The following PTGES variants were observed in gnomAD, a reference collection of about 807,000 sequenced individuals.
The protein encoded by PTGES is prostaglandin E synthase, also known as MGST1-like 1.
A neutral mutation model predicts 11.8 loss-of-function variants in PTGES; 3 were observed. The ratio of observed to expected loss-of-function variants is 0.25; its 90% CI spans 0.12 to 0.66. The LOEUF is 0.66. Ranked by LOEUF, PTGES falls within the 30% of genes least tolerant of loss-of-function variation. PTGES has a pLI of 0.82. For missense variants in PTGES, 180 were observed against 213.0 expected (o/e 0.85, Z 0.96); for synonymous variants, 94 against 90.4 (o/e 1.04, Z -0.22).
In PTGES at chr9:129,752,944, C is replaced by T. The variant is rs1339753940; in HGVS notation, c.69G>A (p.Leu23=). Residue 23 remains leucine (L), a synonymous_variant, in exon 1 of 3, where the codon CTG becomes CTA. Coordinates refer to ENST00000340607, the MANE Select transcript of PTGES (RefSeq NM_004878.5). ...LPAFLLCSTL[L]VIKMYVVAII... is the part of the protein sequence containing the mutation. ...TGGCCACCACGTACATCTTGATGAC[C>T]AGCAGCGTGCTGCAGAGCAGGAAGG... The T allele has an allele frequency of 3.1e-6, 5 of 1,613,146 alleles. No homozygotes were observed. In the African/African-American group the frequency reaches 4.0e-5, roughly 13 times the overall value.
At chr9:129,746,905 T>G (rs1833052534) in intron 2 of PTGES, among the ~76,000 whole-genome samples, 1 of 152,190 alleles carries the variant, frequency 6.6e-6, no homozygotes, top group Admixed American at 6.6e-5. Flanking sequence ...ACGAAGCCAG[T>G]TTTTTAAGGA....
rs201461122 is a variant in PTGES, at chr9:129,739,565, G to A, written c.*46C>T. On this transcript the variant is annotated 3_prime_UTR_variant, in exon 3 of 3. Coordinates refer to ENST00000340607, the MANE Select transcript of PTGES (RefSeq NM_004878.5). This position sits in a 1 kb window ranked among gnomAD's most constrained non-coding sequence, Gnocchi z 5.7. ...TCAAGTCCCCAGGTATAGCCACGGCGGCTCTTGGCCCATGGTCTGGTGGCC... is the reference window on the plus strand; with the variant it reads ...TCAAGTCCCCAGGTATAGCCACGGCAGCTCTTGGCCCATGGTCTGGTGGCC... 3.8e-5 allele frequency: 59 copies of A among 1,532,560 alleles called. No individual in the cohort carries two copies. The African/African-American group carries it at 6.6e-4, about 17-fold the overall frequency. 94.9% of individuals were successfully genotyped at this position (1,532,560 alleles called of 1,614,324 possible).
chr9:129,742,353 TAAAAC>T (rs1412757654), intron 2 of PTGES, among the ~76,000 whole-genome samples: 4 of 128,332 alleles, frequency 3.1e-5, no homozygotes, highest in Admixed American at 7.8e-5. Context: ...AAAAAAAACA[TAAAAC>T]AAAACAAAAA....
intron 2 of PTGES, among the ~76,000 whole-genome samples, chr9:129,748,417 T>C (rs1016073587): frequency 6.6e-6 from 1 of 152,198 alleles, no homozygotes; most frequent in East Asian, 1.9e-4. Context: ...GGAGGGAGAC[T>C]GAATGTTCAC....
intron 2 of PTGES, among the ~76,000 whole-genome samples, chr9:129,741,803 G>C (rs776346504): frequency 1.3e-5 from 2 of 152,178 alleles, no homozygotes; most frequent in African/African-American, 2.4e-5. Context: ...TACTCGGGAG[G>C]CTGAGGCAGG....
At chr9:129,740,665 A>C (rs1338413496) in intron 2 of PTGES, among the ~76,000 whole-genome samples, 1 of 152,204 alleles carries the variant, frequency 6.6e-6, no homozygotes, top group African/African-American at 2.4e-5. Context: ...ACCAAGAAAG[A>C]AAACTCAGAA....
chr9:129,740,467 C>T (rs1832984828), intron 2 of PTGES, among the ~76,000 whole-genome samples: 1 of 152,190 alleles, frequency 6.6e-6, no homozygotes, highest in Non-Finnish European at 1.5e-5. Flanking sequence ...TAACTACCAC[C>T]TGTCCTTTCA....
chr9:129,743,621 C>T (rs1046255176), intron 2 of PTGES, among the ~76,000 whole-genome samples: 3 of 152,212 alleles, frequency 2.0e-5, no homozygotes, highest in Non-Finnish European at 1.5e-5. Context: ...CTCCTCTTCT[C>T]TCCCCCAGCC....
chr9:129,742,883 A>T (rs76020446), intron 2 of PTGES, among the ~76,000 whole-genome samples: 1 of 152,122 alleles, frequency 6.6e-6, no homozygotes, highest in Non-Finnish European at 1.5e-5. Flanking sequence ...AAAAAAAAAA[A>T]AGAGTAAGTC....
At chr9:129,752,009 G>A (rs1833116249) in intron 1 of PTGES, among the ~76,000 whole-genome samples, 1 of 152,202 alleles carries the variant, frequency 6.6e-6, no homozygotes, top group Non-Finnish European at 1.5e-5. Flanking sequence ...CTATCACTTG[G>A]GCAGCTGCCC....
At chr9:129,752,360 G>C (rs1390422523) in intron 1 of PTGES, among the ~76,000 whole-genome samples, 1 of 152,214 alleles carries the variant, frequency 6.6e-6, no homozygotes, top group African/African-American at 2.4e-5. Flanking sequence ...TTTTGGTTCA[G>C]GGGCTCGGAT....
intron 2 of PTGES, among the ~76,000 whole-genome samples, chr9:129,743,583 G>A (rs1308091167): frequency 1.3e-5 from 2 of 152,198 alleles, no homozygotes; most frequent in Admixed American, 6.5e-5. Flanking sequence ...GGCCAGGACA[G>A]GGACAGCTGC....
chr9:129,743,012 C>T lies in PTGES; in HGVS notation c.210-3152G>A, dbSNP rs1012553922. Among the ~76,000 whole-genome samples the T allele has an allele frequency of 2.6e-5, 4 of 152,192 alleles. No homozygotes were observed. The South Asian group carries it at 8.3e-4, about 31-fold the overall frequency. Reference sequence around the variant, plus strand: ...CACAGGGTGGGAAGGAGGAACAAGACGGGAAGTTCATGGCAGACGTGGATC... The same window carrying T: ...CACAGGGTGGGAAGGAGGAACAAGATGGGAAGTTCATGGCAGACGTGGATC... On this transcript the variant is annotated intron_variant, in intron 2 of 2. Coordinates refer to ENST00000340607, the MANE Select transcript of PTGES (RefSeq NM_004878.5).
In PTGES at chr9:129,745,956, C is replaced by A. The variant is rs988810516; in HGVS notation, c.209+2699G>T. 6.6e-6 allele frequency among the ~76,000 whole-genome samples: 1 copy of A among 151,870 alleles called. No individual in the cohort carries two copies. Among genetic ancestry groups the A allele is most frequent in the African/African-American group, 2.4e-5 (1 of 41,328 alleles). On this transcript the variant is annotated intron_variant, in intron 2 of 2. Transcript: ENST00000340607. The surrounding 1 kb of genome is among the most constrained non-coding windows in gnomAD (Gnocchi z 4.2). Reference sequence around the variant, plus strand: ...GGCTGAGGCAGGGGAATTGCTCGAACCCGGGAGGCAGAGGTTGCAGAGAGC... The same window carrying A: ...GGCTGAGGCAGGGGAATTGCTCGAAACCGGGAGGCAGAGGTTGCAGAGAGC...
intron 2 of PTGES, among the ~76,000 whole-genome samples, chr9:129,747,059 C>G (rs924563154): frequency 6.6e-6 from 1 of 152,170 alleles, no homozygotes; most frequent in Non-Finnish European, 1.5e-5. Context: ...ACTACGGGCC[C>G]GTGCCACCAT....
At chr9:129,751,662 G>GAA (rs148894936) in intron 1 of PTGES, among the ~76,000 whole-genome samples, 2 of 147,196 alleles carry the variant, frequency 1.4e-5, no homozygotes, top group Non-Finnish European at 3.0e-5. Flanking sequence ...CTGGACAGCA[G>GAA]AAAAAAAAAA....
chr9:129,751,278 G>C (rs1169239564), intron 1 of PTGES, among the ~76,000 whole-genome samples: 1 of 150,030 alleles, frequency 6.7e-6, no homozygotes, highest in Non-Finnish European at 1.5e-5. Flanking sequence ...AGCTATGATC[G>C]CACAATTGCA....
At chr9:129,743,909 C>A (rs190477141) in intron 2 of PTGES, among the ~76,000 whole-genome samples, 1 of 152,084 alleles carries the variant, frequency 6.6e-6, no homozygotes, top group African/African-American at 2.4e-5. Flanking sequence ...AGTGCAGTGG[C>A]GTGATCTCGG....
chr9:129,744,571 CAAAA>C (rs60799589), intron 2 of PTGES, among the ~76,000 whole-genome samples: 5 of 50,368 alleles, frequency 9.9e-5, no homozygotes, highest in East Asian at 6.5e-4. Context: ...GACCCTGTCA[CAAAA>C]AAAAAAAAAA....
Sources: allele counts gnomAD v4.1 joint callset (sites outside exome capture counted in the v4.1 genomes callset), GRCh38; gene constraint gnomAD v4.1.1; non-coding constraint Gnocchi (gnomAD v3.1); transcripts MANE v1.5; gene names NCBI Gene and HGNC (gene_info 2026-07-23, HGNC 2026-07-21).